Variants in NEO1 observed in about 807,000 individuals in gnomAD.
The protein encoded by NEO1 is neogenin 1.
A neutral mutation model predicts 159.7 loss-of-function variants in NEO1; 63 were observed. The ratio of observed to expected loss-of-function variants is 0.39; its 90% confidence interval spans 0.32 to 0.49. The LOEUF is 0.49. NEO1 is among the 20% of genes least tolerant of loss of function. The pLI is 0.85. For missense variants in NEO1, 1,615 were observed against 1,831.0 expected, an observed-to-expected ratio of 0.88 and a Z score of 2.15; for synonymous variants, 633 against 662.0, an observed-to-expected ratio of 0.96 and a Z score of 0.67.
In NEO1 at chr15:73,270,018, G is replaced by C. The variant is rs771895427; in HGVS notation, c.2503G>C (p.Glu835Gln). 6.2e-7 allele frequency: 1 copy of C among 1,613,450 alleles called. No homozygotes were observed. Among genetic ancestry groups the C allele is most frequent in the Admixed American group, 1.7e-5 (1 of 59,984 alleles). ...AATTATTTTCTGCTCAGACACTTCTGAAGTTGATTTATTTGTTATTAATGC... is the reference window on the plus strand; with the variant it reads ...AATTATTTTCTGCTCAGACACTTCTCAAGTTGATTTATTTGTTATTAATGC... ...AVTRPHTDTS[E>Q]VDLFVINAPY... The change falls in exon 17 of 29, where the codon GAA (glutamate) becomes CAA (glutamine). Residue 835 changes from glutamate to glutamine, a missense_variant. Glu to Gln is a conservative substitution (Grantham distance 29). This residue lies in a region of NEO1 where 1,018 missense variants were observed against 1,115.4 expected (regional missense o/e 0.91). Transcript: ENST00000261908.
chr15:73,061,174 G>A (rs868399775), intron 1 of NEO1, among the ~76,000 whole-genome samples: 3 of 152,286 alleles, frequency 2.0e-5, no homozygotes, highest in Middle Eastern at 6.8e-3. Flanking sequence ...TGGGTAGAAA[G>A]ACTATCTTGG....
intron 1 of NEO1, among the ~76,000 whole-genome samples, chr15:73,056,744 G>A (rs1329320838): frequency 1.3e-5 from 2 of 151,910 alleles, no homozygotes; most frequent in Admixed American, 1.3e-4. Context: ...ACATTACTTA[G>A]TTTCCAGATC....
intron 27 of NEO1, 47 bp from the exon 28 acceptor site, chr15:73,301,274 G>T: frequency 6.2e-7 from 1 of 1,612,372 alleles, no homozygotes; most frequent in South Asian, 1.1e-5. Flanking sequence ...ATGAGGTCTA[G>T]GGGAGGCAGG....
At chr15:73,180,818 A>G (rs1214830242) in intron 7 of NEO1, among the ~76,000 whole-genome samples, 7 of 152,208 alleles carry the variant, frequency 4.6e-5, no homozygotes, top group Admixed American at 3.3e-4. Context: ...TGTATTAAAG[A>G]TGCATAGATT....
At chr15:73,087,667 T>C (rs1335638951) in intron 1 of NEO1, among the ~76,000 whole-genome samples, 1 of 152,162 alleles carries the variant, frequency 6.6e-6, no homozygotes, top group Non-Finnish European at 1.5e-5. Flanking sequence ...ATAATGTAAT[T>C]GTAGAAACTT....
At chr15:73,059,409 G>C (rs577884201) in intron 1 of NEO1, among the ~76,000 whole-genome samples, 1 of 152,214 alleles carries the variant, frequency 6.6e-6, no homozygotes, top group African/African-American at 2.4e-5. Context: ...ATTTCATAGC[G>C]AGAATCCTTA....
chr15:73,178,110 C>G (rs138259673), intron 6 of NEO1, among the ~76,000 whole-genome samples, 197 bp from the exon 7 acceptor site: 1 of 152,142 alleles, frequency 6.6e-6, no homozygotes, highest in East Asian at 1.9e-4. Flanking sequence ...ACAGTATGTA[C>G]TCTTCTATTC....
At chr15:73,085,349 A>G (rs995412860) in intron 1 of NEO1, among the ~76,000 whole-genome samples, 1 of 152,194 alleles carries the variant, frequency 6.6e-6, no homozygotes, top group African/African-American at 2.4e-5. Context: ...GTATGAATGT[A>G]CCATAGCTTA....
At chr15:73,166,474 G>C (rs1429259202) in intron 5 of NEO1, among the ~76,000 whole-genome samples, 1 of 152,168 alleles carries the variant, frequency 6.6e-6, no homozygotes, top group Non-Finnish European at 1.5e-5. Context: ...GAATCGGATA[G>C]CTCATGCTTA....
At chr15:73,238,271 GTTTTTTTTTTTT>G (rs55887721) in intron 8 of NEO1, among the ~76,000 whole-genome samples, 4 of 38,852 alleles carry the variant, frequency 1.0e-4, no homozygotes, top group African/African-American at 2.5e-4. Context: ...TTTAGTTTGG[GTTTTTTTTTTTT>G]TTTTTTTTTT....
intron 25 of NEO1, among the ~76,000 whole-genome samples, chr15:73,289,883 G>A (rs1289411363): frequency 1.3e-5 from 2 of 152,282 alleles, no homozygotes; most frequent in East Asian, 3.9e-4. Flanking sequence ...CTGGGAAGCA[G>A]AGGTTGCAGT....
At chr15:73,093,009 T>G (rs1193162789) in intron 1 of NEO1, among the ~76,000 whole-genome samples, 2 of 152,220 alleles carry the variant, frequency 1.3e-5, no homozygotes, top group Admixed American at 1.3e-4. Flanking sequence ...TTGGGCTCTC[T>G]TGGCTGTGAT....
At chr15:73,268,062 A>G (rs937437856) in intron 16 of NEO1, among the ~76,000 whole-genome samples, 2 of 152,146 alleles carry the variant, frequency 1.3e-5, no homozygotes, top group African/African-American at 4.8e-5. Flanking sequence ...CTCTACTGCC[A>G]TTAGACCCAG....
intron 1 of NEO1, among the ~76,000 whole-genome samples, chr15:73,098,721 T>C (rs2070230574): frequency 6.6e-6 from 1 of 152,228 alleles, no homozygotes; most frequent in Non-Finnish European, 1.5e-5. Context: ...GCCTTGCTTG[T>C]ACCTGCCTGT....
intron 3 of NEO1, among the ~76,000 whole-genome samples, chr15:73,124,838 C>T (rs1436413028): frequency 6.6e-6 from 1 of 152,144 alleles, no homozygotes; most frequent in Non-Finnish European, 1.5e-5. Flanking sequence ...TTTTTGTCTG[C>T]TGCCAAAAAC....
intron 1 of NEO1, among the ~76,000 whole-genome samples, chr15:73,075,553 T>C (rs1356638936): frequency 1.3e-5 from 2 of 152,108 alleles, no homozygotes; most frequent in Non-Finnish European, 2.9e-5. Flanking sequence ...TGGAAACAGA[T>C]TGGACTTGGG....
intron 26 of NEO1, 138 bp downstream of exon 26, chr15:73,293,686 C>A: frequency 2.1e-6 from 2 of 943,334 alleles, no homozygotes; most frequent in Non-Finnish European, 3.1e-6. Context: ...ATTTCTGTGA[C>A]TGACTCAAAT....
At chr15:73,283,840 C>T (rs2041832299) in intron 23 of NEO1, among the ~76,000 whole-genome samples, 1 of 152,108 alleles carries the variant, frequency 6.6e-6, no homozygotes, top group African/African-American at 2.4e-5. Context: ...TGGAAGAAGA[C>T]CATAGGCCTG....
At chr15:73,174,056 C>T (rs969018383) in intron 5 of NEO1, among the ~76,000 whole-genome samples, 2 of 150,340 alleles carry the variant, frequency 1.3e-5, no homozygotes, top group African/African-American at 2.4e-5. Flanking sequence ...GCCGAGATCA[C>T]GCCATTGCAC....
Sources: allele counts gnomAD v4.1 joint callset (sites outside exome capture counted in the v4.1 genomes callset), GRCh38; gene constraint gnomAD v4.1.1; regional missense constraint gnomAD v4.1.1; transcripts MANE v1.5; gene names NCBI Gene and HGNC (gene_info 2026-07-23, HGNC 2026-07-21).